IGF2BP1: variants seen among roughly 807,000 people sequenced by gnomAD.
IGF2BP1 encodes insulin like growth factor 2 mRNA binding protein 1.
A neutral mutation model predicts 74.9 loss-of-function variants in IGF2BP1; 11 were observed. The observed-to-expected ratio is 0.15, with a 90% CI of 0.09 to 0.24. The LOEUF is 0.24. IGF2BP1 is among the 10% of genes least tolerant of loss of function. The pLI, the probability that IGF2BP1 is intolerant of heterozygous loss-of-function variation, is 1.00. For synonymous variants in IGF2BP1, 287 were observed against 281.8 expected, an observed-to-expected ratio of 1.02 and a Z score of -0.18; for missense variants, 440 against 757.4, an observed-to-expected ratio of 0.58 and a Z score of 4.92.
At chr17:48,997,316 G>T (rs1434959436), upstream of IGF2BP1, 3 of 154,590 alleles carry the variant, frequency 1.9e-5, no homozygotes, top group Admixed American at 6.5e-5. The surrounding 1 kb of genome is among the most constrained non-coding windows in gnomAD (Gnocchi z 4.8). Flanking sequence ...GGCGTCGGGG[G>T]TCTTTCCCTG....
upstream of IGF2BP1, among the ~76,000 whole-genome samples, chr17:48,996,730 A>T (rs557655544): frequency 2.0e-5 from 3 of 151,902 alleles, no homozygotes; most frequent in South Asian, 6.2e-4. Flanking sequence ...GGATCTCAAA[A>T]CATTATTTCC....
In IGF2BP1 at chr17:49,042,445, A is replaced by G. The variant is rs147201231; in HGVS notation, c.1077+68A>G. The G allele has an allele frequency of 3.9e-4, 611 of 1,571,164 alleles. 3 individuals carry two copies. In the East Asian group the frequency reaches 8.8e-3, roughly 23 times the overall value. On this transcript the variant is annotated intron_variant, in intron 9 of 14. Transcript: ENST00000290341. Reference sequence around the variant, plus strand: ...TTAGCAACAGCAGCTTGTGGGGTGCAGGGTGATGGACATGTGCCCTGTGCC... The same window carrying G: ...TTAGCAACAGCAGCTTGTGGGGTGCGGGGTGATGGACATGTGCCCTGTGCC...
chr17:49,039,848 A>G, intron 6 of IGF2BP1, 109 bp from the exon 7 acceptor site: 1 of 1,186,810 alleles, frequency 8.4e-7, no homozygotes. Flanking sequence ...TCCTTGTTTC[A>G]AGAAGAGCAG....
Position 49,019,942 on chromosome 17 carries a change from ATATATATT to A in IGF2BP1, c.237-5669_237-5662del, listed in dbSNP as rs1281361783. Among the ~76,000 whole-genome samples the A allele has an allele frequency of 9.7e-3, 537 of 55,108 alleles. 8 individuals are homozygous for A. Among genetic ancestry groups the A allele is most frequent in the Non-Finnish European group, 0.015 (450 of 29,814 alleles). 36.2% of individuals were successfully genotyped at this position (55,108 alleles called of 152,430 possible). On this transcript the variant is annotated intron_variant, in intron 2 of 14. Coordinates refer to ENST00000290341, the MANE Select transcript of IGF2BP1 (RefSeq NM_006546.4). ...TATATATATATATATATATATATAT[ATATATATT>A]TATATACACACACACACACACACAC...
At chr17:49,015,162 G>A (rs1191950995) in intron 2 of IGF2BP1, among the ~76,000 whole-genome samples, 1 of 152,088 alleles carries the variant, frequency 6.6e-6, no homozygotes, top group Non-Finnish European at 1.5e-5. Flanking sequence ...TAGTAGAGAC[G>A]GGGTTTCACC....
At chr17:49,034,768 A>C (rs1031925434) in intron 5 of IGF2BP1, among the ~76,000 whole-genome samples, 1 of 151,350 alleles carries the variant, frequency 6.6e-6, no homozygotes, top group African/African-American at 2.4e-5. Flanking sequence ...AAAAAAACAA[A>C]AAAAACGAAA....
intron 5 of IGF2BP1, among the ~76,000 whole-genome samples, chr17:49,033,523 A>G (rs750985105): frequency 1.3e-5 from 2 of 151,762 alleles, no homozygotes; most frequent in Non-Finnish European, 1.5e-5. Flanking sequence ...TTGTATTTTT[A>G]GTAGAGATGG....
chr17:49,055,530 G>A lies in IGF2BP1; in HGVS notation c.*6086G>A, dbSNP rs1363993606. 4 of 397,020 alleles carry A rather than the reference G, an allele frequency of 1.0e-5. No individual in the cohort carries two copies. Among genetic ancestry groups the A allele is most frequent in the Non-Finnish European group, 1.8e-5 (4 of 225,468 alleles). 24.6% of individuals were successfully genotyped at this position (397,020 alleles called of 1,614,324 possible). Reference sequence around the variant, plus strand: ...GCACTTCCCGGCTGTGGGGGCTGGGGAGCCACTTGTAACATTTCTGTGCAG... The same window carrying A: ...GCACTTCCCGGCTGTGGGGGCTGGGAAGCCACTTGTAACATTTCTGTGCAG... On this transcript the variant is annotated 3_prime_UTR_variant, in exon 15 of 15. Coordinates refer to ENST00000290341, the MANE Select transcript of IGF2BP1 (RefSeq NM_006546.4).
At chr17:48,999,074 A>G (rs1320112204) in intron 1 of IGF2BP1, 35 bp from the exon 2 acceptor site, 1 of 1,312,052 alleles carries the variant, frequency 7.6e-7, no homozygotes, top group East Asian at 2.3e-5. Context: ...CCCCTGTTCA[A>G]GCTCTCATGG....
Position 49,052,310 on chromosome 17 carries a change from C to G in IGF2BP1, c.*2866C>G, listed in dbSNP as rs1049876173. The G allele has an allele frequency of 6.6e-6, 1 of 152,046 alleles. No homozygotes were observed. Among genetic ancestry groups the G allele is most frequent in the Admixed American group, 6.6e-5 (1 of 15,242 alleles). The allele number at this position is 152,046 out of a possible 1,614,324, so 9.4% of individuals were successfully genotyped here. ...CATTTAGTAATTTAAAGCGAATTTC[C>G]AGCAGCAAGCATGCTTTGATATCTG... On this transcript the variant is annotated 3_prime_UTR_variant, in exon 15 of 15. Coordinates refer to ENST00000290341, the MANE Select transcript of IGF2BP1 (RefSeq NM_006546.4).
rs2042175594 is a variant in IGF2BP1 at position 49,052,232 on chromosome 17, C to G, written c.*2788C>G. Reference sequence around the variant, plus strand: ...AAAAGGGTCTCCCAGCTTTCCATCTCTGGCTCTATATGCTTTATCCCAAAA... The same window carrying G: ...AAAAGGGTCTCCCAGCTTTCCATCTGTGGCTCTATATGCTTTATCCCAAAA... On this transcript the variant is annotated 3_prime_UTR_variant, in exon 15 of 15. Transcript: ENST00000290341. 1 of 152,220 alleles carries G rather than the reference C, an allele frequency of 6.6e-6. No homozygotes were observed. The highest frequency in any genetic ancestry group is 1.5e-5 in the Non-Finnish European group (1 of 68,038). 9.4% of individuals were successfully genotyped at this position (152,220 alleles called of 1,614,324 possible). A position where few individuals can be genotyped will look rare whatever the true frequency, so the allele number is the denominator to read the frequency against.
intron 4 of IGF2BP1, among the ~76,000 whole-genome samples, chr17:49,029,626 G>T (rs924455284): frequency 3.3e-5 from 5 of 151,922 alleles, no homozygotes; most frequent in African/African-American, 9.7e-5. Flanking sequence ...TTAACTTTAT[G>T]TATTTATTTA....
intron 2 of IGF2BP1, chr17:49,013,603 C>T (rs1754192192): frequency 6.6e-6 from 1 of 152,444 alleles, no homozygotes; most frequent in Admixed American, 6.5e-5. Context: ...AGCCCCCTTC[C>T]CCCACAGGAC....
chr17:49,026,703 GCCTT>G (rs759701448), intron 4 of IGF2BP1, among the ~76,000 whole-genome samples, 186 bp downstream of exon 4: 196 of 132,622 alleles, frequency 1.5e-3, no homozygotes, highest in African/African-American at 1.9e-3. Flanking sequence ...CTGCCTTCCT[GCCTT>G]CCTGCCTTCC....
intron 2 of IGF2BP1, among the ~76,000 whole-genome samples, chr17:49,005,846 G>C (rs986258045): frequency 6.6e-6 from 1 of 152,040 alleles, no homozygotes; most frequent in African/African-American, 2.4e-5. Context: ...CAGATTACAT[G>C]AGGCCAGGAG....
chr17:49,005,375 G>A (rs187053106), intron 2 of IGF2BP1, among the ~76,000 whole-genome samples: 8 of 152,338 alleles, frequency 5.3e-5, no homozygotes, highest in African/African-American at 1.4e-4. Flanking sequence ...ATGGCTGGTC[G>A]TAAGCAAACT....
At chr17:49,047,085 T>C (rs1452411229) in intron 14 of IGF2BP1, among the ~76,000 whole-genome samples, 1 of 152,202 alleles carries the variant, frequency 6.6e-6, no homozygotes, top group African/African-American at 2.4e-5. Flanking sequence ...ATAGAAGATA[T>C]CCAGATCTTA....
rs780532469 is a variant in IGF2BP1, at chr17:49,043,573, C to T, written c.1200+23C>T. On this transcript the variant is annotated intron_variant, in intron 10 of 14. Coordinates refer to ENST00000290341, the MANE Select transcript of IGF2BP1 (RefSeq NM_006546.4). ...ATGGTAGGTGGAAGATCTTATTACA[C>T]GGGATCCCTGGGCCCATATGTGGCC... The T allele has an allele frequency of 3.5e-5, 57 of 1,612,112 alleles. No homozygotes were observed. The Middle Eastern group carries it at 1.2e-3, about 33-fold the overall frequency.
At chr17:49,004,086 C>CCGGCAATCT (rs963879426) in intron 2 of IGF2BP1, among the ~76,000 whole-genome samples, 6 of 152,190 alleles carry the variant, frequency 3.9e-5, no homozygotes, top group Non-Finnish European at 8.8e-5. Flanking sequence ...CAGTCCCAGC[C>CCGGCAATCT]CGGCAATCTC....
Sources: gnomAD v4.1 joint callset for allele counts (sites outside exome capture counted in the v4.1 genomes callset) on GRCh38, gnomAD v4.1.1 for gene constraint, Gnocchi (gnomAD v3.1) non-coding constraint, MANE v1.5 for transcripts, NCBI Gene and HGNC (gene_info 2026-07-23, HGNC 2026-07-21) for gene names.